Variants in SCAPER observed in about 807,000 individuals in gnomAD.
SCAPER encodes S phase cyclin A-associated protein in the endoplasmic reticulum.
SCAPER carries 98 observed loss-of-function variants against 182.2 expected under a neutral mutation model. The ratio of observed to expected loss-of-function variants is 0.54; its 90% CI spans 0.46 to 0.64. The LOEUF is 0.64. Among genes scored for constraint, SCAPER ranks in the 30% least tolerant of loss-of-function variants. The pLI is 0.00. For missense variants in SCAPER, 1,432 were observed against 1,690.0 expected (o/e 0.85, Z 2.68); for synonymous variants, 605 against 564.6 (o/e 1.07, Z -1.01).
intron 23 of SCAPER, among the ~76,000 whole-genome samples, chr15:76,561,844 T>A (rs1303097080): frequency 3.5e-5 from 4 of 113,914 alleles, no homozygotes; most frequent in East Asian, 2.6e-4. Flanking sequence ...TTTTTTTTTT[T>A]AATTAATATG....
At chr15:76,538,216 G>T (rs2044367817) in intron 23 of SCAPER, among the ~76,000 whole-genome samples, 1 of 146,686 alleles carries the variant, frequency 6.8e-6, no homozygotes, top group Non-Finnish European at 1.5e-5. Flanking sequence ...CCATTACTGG[G>T]TATATACCCA....
intron 23 of SCAPER, among the ~76,000 whole-genome samples, chr15:76,538,527 G>C (rs944014665): frequency 3.3e-5 from 5 of 152,092 alleles, no homozygotes; most frequent in Non-Finnish European, 5.9e-5. Context: ...GAGAACACAT[G>C]GACACAGGAA....
intron 2 of SCAPER, among the ~76,000 whole-genome samples, chr15:76,880,161 G>C (rs1458787237): frequency 6.6e-6 from 1 of 152,170 alleles, no homozygotes; most frequent in Non-Finnish European, 1.5e-5. Context: ...CTCTGCGACA[G>C]AGGCTACTAA....
intron 23 of SCAPER, among the ~76,000 whole-genome samples, chr15:76,538,310 C>T (rs1457383393): frequency 1.3e-5 from 2 of 149,092 alleles, no homozygotes; most frequent in African/African-American, 5.0e-5. Context: ...AGACTTGGAA[C>T]CAACCCAAAT....
At chr15:76,853,337 T>C (rs1009340800) in intron 4 of SCAPER, among the ~76,000 whole-genome samples, 6 of 152,150 alleles carry the variant, frequency 3.9e-5, no homozygotes, top group African/African-American at 1.4e-4. Flanking sequence ...ACGAAGCCAG[T>C]ATCATCCTGA....
intron 22 of SCAPER, among the ~76,000 whole-genome samples, chr15:76,615,269 AC>A (rs971413981): frequency 5.3e-5 from 8 of 151,464 alleles, no homozygotes; most frequent in African/African-American, 1.5e-4. Context: ...ACGTGGTAAG[AC>A]CCCCTCCCTA....
At chr15:76,523,800 T>C (rs16968335) in intron 23 of SCAPER, among the ~76,000 whole-genome samples, 1 of 152,002 alleles carries the variant, frequency 6.6e-6, no homozygotes, top group South Asian at 2.1e-4. Flanking sequence ...TTGGAGAGGA[T>C]GATATGCTTT....
At chr15:76,724,202 T>C (rs1482799144) in intron 17 of SCAPER, among the ~76,000 whole-genome samples, 2 of 147,410 alleles carry the variant, frequency 1.4e-5, no homozygotes, top group Non-Finnish European at 3.0e-5. Flanking sequence ...TTTGGCTGGA[T>C]ATGAAATACT....
rs898266818 is a variant in SCAPER, at chr15:76,541,582, C to G, written c.2838+32576G>C. The stretch of plus-strand genomic sequence containing the variant: ...ACGGATTCCTTGACTTGCTAGTTAA[C>G]AGGAGAATTACTGCCCACTTCTATA... On this transcript the variant is annotated intron_variant, in intron 23 of 31. Transcript: ENST00000563290. Among the ~76,000 whole-genome samples, 4 of 152,308 alleles carry G rather than the reference C, an allele frequency of 2.6e-5. No homozygotes were observed. In the East Asian group the frequency reaches 7.7e-4, roughly 29 times the overall value.
intron 27 of SCAPER, among the ~76,000 whole-genome samples, chr15:76,390,180 T>G (rs989373966): frequency 6.6e-6 from 1 of 152,174 alleles, no homozygotes; most frequent in Non-Finnish European, 1.5e-5. Flanking sequence ...GGTCTCAAAC[T>G]CCTAGCCTCA....
At chr15:76,589,792 G>A (rs1272534919) in intron 22 of SCAPER, among the ~76,000 whole-genome samples, 1 of 152,144 alleles carries the variant, frequency 6.6e-6, no homozygotes, top group Non-Finnish European at 1.5e-5. Flanking sequence ...GCAGCCCTCT[G>A]GAAGGACCCC....
chr15:76,405,938 T>G (rs1330462998), intron 26 of SCAPER, among the ~76,000 whole-genome samples: 4 of 152,210 alleles, frequency 2.6e-5, no homozygotes, highest in African/African-American at 9.7e-5. Context: ...TTTACTATGT[T>G]GAAGGTACAA....
At chr15:76,722,240 C>T (rs974143898) in intron 17 of SCAPER, among the ~76,000 whole-genome samples, 24 of 152,174 alleles carry the variant, frequency 1.6e-4, no homozygotes, top group Non-Finnish European at 2.4e-4. Flanking sequence ...TATTGATTTG[C>T]GTATGTTGAA....
chr15:76,358,004 T>G (rs890551237), intron 29 of SCAPER, among the ~76,000 whole-genome samples: 1 of 152,170 alleles, frequency 6.6e-6, no homozygotes, highest in African/African-American at 2.4e-5. Context: ...ACTATTCAGG[T>G]GACTGTTACA....
chr15:76,384,850 T>C (rs2043191430), intron 27 of SCAPER, among the ~76,000 whole-genome samples: 1 of 152,236 alleles, frequency 6.6e-6, no homozygotes, highest in Admixed American at 6.5e-5. Context: ...CTGGCTTCTG[T>C]TGGTCTTAAC....
chr15:76,825,836 C>T (rs558890818), intron 5 of SCAPER, among the ~76,000 whole-genome samples: 1 of 152,192 alleles, frequency 6.6e-6, no homozygotes, highest in East Asian at 1.9e-4. Context: ...CCTCTCCCTC[C>T]TGGGTTTAAG....
At chr15:76,432,257 A>G (rs551953312) in intron 26 of SCAPER, among the ~76,000 whole-genome samples, 2 of 152,354 alleles carry the variant, frequency 1.3e-5, no homozygotes, top group African/African-American at 4.8e-5. Flanking sequence ...CAACTGAGAG[A>G]AAGGCCAGGG....
rs2059235174 is a variant in SCAPER, at chr15:76,705,840, T to G, written c.2247+63A>C. On this transcript the variant is annotated intron_variant, in intron 18 of 31. Transcript: ENST00000563290. ...TTAATTCAATTTTTTTCCTACAAAA[T>G]TTTGATCTCATGCTCCACTGTAAGC... 5 of 1,106,072 alleles carry G rather than the reference T, an allele frequency of 4.5e-6. No homozygotes were observed. The South Asian group carries it at 7.7e-5, about 17-fold the overall frequency. The allele number at this position is 1,106,072 out of a possible 1,614,324, so 68.5% of individuals were successfully genotyped here.
Position 76,354,900 on chromosome 15 carries a change from A to G in SCAPER, c.3856-760T>C, listed in dbSNP as rs1596272377. On this transcript the variant is annotated intron_variant, in intron 29 of 31. Coordinates refer to ENST00000563290, the MANE Select transcript of SCAPER (RefSeq NM_020843.4). The surrounding 1 kb of genome is among the most constrained non-coding windows in gnomAD (Gnocchi z 4.4). ...CCATGATAAACTAAGAAATGTCAAA[A>G]TTAGATCTGTTTCAAGTAACCTTGA... 1.3e-5 allele frequency among the ~76,000 whole-genome samples: 2 copies of G among 152,252 alleles called. No homozygotes were observed. The highest frequency in any genetic ancestry group is 2.1e-4 in the South Asian group (1 of 4,832).
Sources: allele counts gnomAD v4.1 joint callset (sites outside exome capture counted in the v4.1 genomes callset), GRCh38; gene constraint gnomAD v4.1.1; non-coding constraint Gnocchi (gnomAD v3.1); transcripts MANE v1.5; gene names NCBI Gene and HGNC (gene_info 2026-07-23, HGNC 2026-07-21).